Variants in LRRTM4 observed in about 807,000 individuals in gnomAD.
The protein encoded by LRRTM4 is leucine-rich repeat transmembrane neuronal protein 4.
Under a neutral mutation model 47.6 loss-of-function variants are expected in LRRTM4, and 25 were observed. That is an observed-to-expected ratio of 0.53 (90% CI 0.38 to 0.73). The LOEUF (loss-of-function observed/expected upper bound fraction) is 0.73. Among genes scored for constraint, LRRTM4 ranks in the 30% least tolerant of loss-of-function variants. The pLI is 0.00. For synonymous variants in LRRTM4, 311 were observed against 269.5 expected (o/e 1.15, Z -1.51); for missense variants, 638 against 713.4 (o/e 0.89, Z 1.20).
intron 3 of LRRTM4, among the ~76,000 whole-genome samples, chr2:77,342,666 T>C (rs762837399): frequency 4.6e-5 from 7 of 151,984 alleles, no homozygotes; most frequent in African/African-American, 7.2e-5. Context: ...TAAAATATCT[T>C]CCAGAGAACA....
chr2:77,442,683 C>T (rs757491012), intron 3 of LRRTM4, among the ~76,000 whole-genome samples: 3 of 152,132 alleles, frequency 2.0e-5, no homozygotes, highest in Non-Finnish European at 4.4e-5. Context: ...TTGGTACTGT[C>T]TATGTTTCAG....
intron 3 of LRRTM4, among the ~76,000 whole-genome samples, chr2:77,334,449 G>T (rs1671087611): frequency 6.6e-6 from 1 of 152,074 alleles, no homozygotes; most frequent in Non-Finnish European, 1.5e-5. Flanking sequence ...TCTTTCCCGG[G>T]CTGTTCTCAT....
intron 3 of LRRTM4, among the ~76,000 whole-genome samples, chr2:76,930,059 G>T (rs1259598529): frequency 6.6e-6 from 1 of 151,982 alleles, no homozygotes; most frequent in Admixed American, 6.6e-5. Flanking sequence ...TTTCTCTGCA[G>T]AAAGATTGGA....
At chr2:77,439,012 C>T (rs1162171588) in intron 3 of LRRTM4, among the ~76,000 whole-genome samples, 1 of 152,140 alleles carries the variant, frequency 6.6e-6, no homozygotes, top group African/African-American at 2.4e-5. Context: ...AATATTCCCA[C>T]AAGTTATTCA....
intron 3 of LRRTM4, among the ~76,000 whole-genome samples, chr2:76,944,940 C>A (rs1921626): frequency 6.6e-6 from 1 of 151,964 alleles, no homozygotes; most frequent in African/African-American, 2.4e-5. Context: ...GATGACAGAG[C>A]TTCCTTGGGA....
At chr2:77,083,971 A>AT (rs1404382297) in intron 3 of LRRTM4, among the ~76,000 whole-genome samples, 2 of 150,860 alleles carry the variant, frequency 1.3e-5, no homozygotes, top group African/African-American at 2.4e-5. Flanking sequence ...CGCCTGGCTA[A>AT]TTTTTTTATA....
chr2:76,780,579 G>A (rs368770750), intron 3 of LRRTM4, among the ~76,000 whole-genome samples: 16 of 151,124 alleles, frequency 1.1e-4, no homozygotes, highest in African/African-American at 3.6e-4. Flanking sequence ...CATTCTTCAC[G>A]TAGTTCTCGA....
intron 3 of LRRTM4, among the ~76,000 whole-genome samples, chr2:77,271,819 C>T (rs898947154): frequency 6.6e-6 from 1 of 152,184 alleles, no homozygotes; most frequent in Non-Finnish European, 1.5e-5. Context: ...GATCCAATAG[C>T]AGATTTCTTG....
chr2:76,760,716 T>C (rs867120754), intron 3 of LRRTM4, among the ~76,000 whole-genome samples: 24 of 152,136 alleles, frequency 1.6e-4, no homozygotes, highest in African/African-American at 5.3e-4. Flanking sequence ...AGCCCAACAC[T>C]GACTTAGCGT....
chr2:77,207,180 TAAC>T (rs1179415242), intron 3 of LRRTM4, among the ~76,000 whole-genome samples: 1 of 144,804 alleles, frequency 6.9e-6, no homozygotes, highest in Non-Finnish European at 1.5e-5. Context: ...TTTCAATTGA[TAAC>T]AAACAAAAAA....
At chr2:76,984,925 T>C (rs533596016) in intron 3 of LRRTM4, among the ~76,000 whole-genome samples, 2 of 152,144 alleles carry the variant, frequency 1.3e-5, no homozygotes, top group Non-Finnish European at 2.9e-5. Flanking sequence ...AAGCAAGCAT[T>C]ATTAACTCGT....
At chr2:77,459,897 C>T (rs1051419955) in intron 3 of LRRTM4, among the ~76,000 whole-genome samples, 2 of 152,022 alleles carry the variant, frequency 1.3e-5, no homozygotes, top group African/African-American at 4.8e-5. Context: ...GCTAATCATG[C>T]CTTTTAGCAA....
chr2:77,517,631 A>T (rs1296750516), intron 3 of LRRTM4: 2 of 984,326 alleles, frequency 2.0e-6, no homozygotes, highest in Non-Finnish European at 2.4e-6. Flanking sequence ...AAACAAACAA[A>T]CAAAAAAAGA....
At chr2:77,064,816 C>T (rs894318624) in intron 3 of LRRTM4, among the ~76,000 whole-genome samples, 3 of 152,146 alleles carry the variant, frequency 2.0e-5, no homozygotes, top group East Asian at 1.9e-4. Context: ...CTATCTGGGC[C>T]GTGCTTTTTT....
intron 3 of LRRTM4, among the ~76,000 whole-genome samples, chr2:77,302,262 T>C (rs1396490131): frequency 6.6e-6 from 1 of 152,240 alleles, no homozygotes; most frequent in African/African-American, 2.4e-5. Context: ...CATGCAGTCT[T>C]GCTTCAGTGT....
intron 3 of LRRTM4, among the ~76,000 whole-genome samples, chr2:77,427,284 A>G (rs1675160575): frequency 6.6e-6 from 1 of 152,122 alleles, no homozygotes; most frequent in Admixed American, 6.5e-5. Flanking sequence ...GCCTAGCTTT[A>G]TTCTTCTCTA....
At chr2:77,325,225 G>A (rs1209606479) in intron 3 of LRRTM4, among the ~76,000 whole-genome samples, 6 of 152,100 alleles carry the variant, frequency 3.9e-5, no homozygotes, top group Non-Finnish European at 5.9e-5. Context: ...CCCTGTATCA[G>A]CCTCTGGTTC....
chr2:77,242,239 A>G (rs1302520557), intron 3 of LRRTM4, among the ~76,000 whole-genome samples: 3 of 152,142 alleles, frequency 2.0e-5, no homozygotes, highest in Non-Finnish European at 4.4e-5. Context: ...TAATGTTGAC[A>G]TCTTAACAAT....
intron 3 of LRRTM4, among the ~76,000 whole-genome samples, chr2:77,065,323 C>A (rs13412552): frequency 0.39 from 58,959 of 151,876 alleles, 13,720 homozygotes; most frequent in East Asian, 0.68. Context: ...TAAAGATAAA[C>A]ATACAGTCCT....
Sources: gnomAD v4.1 joint callset for allele counts (sites outside exome capture counted in the v4.1 genomes callset) on GRCh38, gnomAD v4.1.1 for gene constraint, MANE v1.5 for transcripts, NCBI Gene and HGNC (gene_info 2026-07-23, HGNC 2026-07-21) for gene names.